PTK2B: variants seen among roughly 807,000 people sequenced by gnomAD.
PTK2B encodes protein tyrosine kinase 2 beta.
PTK2B carries 71 observed loss-of-function variants against 142.9 expected under a neutral mutation model. The observed-to-expected ratio is 0.50, with a 90% CI of 0.41 to 0.61. PTK2B has a LOEUF of 0.61. Ranked by LOEUF, PTK2B falls within the 20% of genes least tolerant of loss-of-function variation. The probability of loss-of-function intolerance (pLI) is 0.00; values close to 1 mark genes in which losing one functional copy is unlikely to be tolerated. For missense variants in PTK2B, 1,105 were observed against 1,320.4 expected (o/e 0.84, Z 2.53); for synonymous variants, 519 against 503.4 (o/e 1.03, Z -0.42).
intron 1 of PTK2B, among the ~76,000 whole-genome samples, chr8:27,312,024 A>G (rs1173986665): frequency 1.3e-5 from 2 of 152,162 alleles, no homozygotes; most frequent in African/African-American, 2.4e-5. Flanking sequence ...TTAATGGGCA[A>G]GTGCCCATTA....
At chr8:27,374,730 G>A (rs972027852) in intron 1 of PTK2B, among the ~76,000 whole-genome samples, 1 of 152,126 alleles carries the variant, frequency 6.6e-6, no homozygotes, top group African/African-American at 2.4e-5. Flanking sequence ...GTCAGAAACT[G>A]GCTGGCTCTG....
Position 27,437,811 on chromosome 8 carries a change from C to A in PTK2B, c.1574C>A (p.Thr525Asn). ...AACAAGAACTCCCTGAAGGTGCTCA[C>A]CCTCGTGCTGTACTCACTGCAGATA... ...ERNKNSLKVL[T>N]LVLYSLQICK... is the part of the protein sequence containing the mutation. Residue 525 changes from threonine (T) to asparagine (N), a missense_variant, in exon 18 of 31, where the codon ACC (threonine) becomes AAC (asparagine). Thr to Asn is a moderately conservative substitution (Grantham distance 65, BLOSUM62 0). Coordinates refer to ENST00000346049, the MANE Select transcript of PTK2B (RefSeq NM_173176.3). The A allele has an allele frequency of 1.2e-6, 2 of 1,613,594 alleles. No homozygotes were observed. Among genetic ancestry groups the A allele is most frequent in the Non-Finnish European group, 1.7e-6 (2 of 1,179,862 alleles).
intron 10 of PTK2B, 135 bp from the exon 11 acceptor site, chr8:27,433,300 C>G (rs1475119568): frequency 1.4e-6 from 1 of 734,828 alleles, no homozygotes; most frequent in African/African-American, 1.8e-5. Context: ...AGGGCAGGGC[C>G]CCAGGAGAGG....
At chr8:27,343,465 C>G (rs1314427121) in intron 1 of PTK2B, among the ~76,000 whole-genome samples, 1 of 152,174 alleles carries the variant, frequency 6.6e-6, no homozygotes, top group Non-Finnish European at 1.5e-5. Context: ...AACCTGGGGA[C>G]CCCATGTAGT....
intron 1 of PTK2B, among the ~76,000 whole-genome samples, chr8:27,365,552 G>A (rs1007557266): frequency 2.0e-5 from 3 of 152,172 alleles, no homozygotes; most frequent in Non-Finnish European, 2.9e-5. Context: ...ATAGGAAACA[G>A]ATCTGCCATT....
chr8:27,321,869 CAACTT>C (rs1233031791), upstream of PTK2B, among the ~76,000 whole-genome samples: 1 of 152,204 alleles, frequency 6.6e-6, no homozygotes, highest in Non-Finnish European at 1.5e-5. Context: ...AAGCCATACT[CAACTT>C]ATTTTGGCCT....
chr8:27,397,440 A>T, intron 1 of PTK2B, 108 bp from the exon 2 acceptor site: 1 of 822,074 alleles, frequency 1.2e-6, no homozygotes, highest in East Asian at 2.5e-5. Context: ...GGGAGAATAT[A>T]TAGCATTTGT....
intron 24 of PTK2B, among the ~76,000 whole-genome samples, chr8:27,449,992 A>G (rs1256280632): frequency 2.6e-5 from 4 of 152,204 alleles, no homozygotes; most frequent in African/African-American, 9.7e-5. Flanking sequence ...TAAATAACTC[A>G]AGCTATGATT....
chr8:27,374,894 A>G (rs1325719456), intron 1 of PTK2B, among the ~76,000 whole-genome samples: 3 of 152,218 alleles, frequency 2.0e-5, no homozygotes, highest in East Asian at 3.8e-4. Context: ...GCACTGCACT[A>G]TGTGATGTCT....
chr8:27,423,847 G>C (rs1242133196), intron 5 of PTK2B, among the ~76,000 whole-genome samples: 1 of 152,114 alleles, frequency 6.6e-6, no homozygotes, highest in Non-Finnish European at 1.5e-5. Context: ...GCAGCTTCGA[G>C]GGCTTCACAT....
intron 1 of PTK2B, among the ~76,000 whole-genome samples, chr8:27,338,690 A>C (rs1039319725): frequency 1.3e-5 from 2 of 152,234 alleles, no homozygotes; most frequent in Non-Finnish European, 2.9e-5. Flanking sequence ...TACTTTTCCC[A>C]AACAGTATAT....
chr8:27,399,487 G>A (rs114872714), intron 2 of PTK2B, among the ~76,000 whole-genome samples: 2,983 of 152,260 alleles, frequency 0.02, 101 homozygotes, highest in African/African-American at 0.068. Flanking sequence ...TAGAATATCA[G>A]GCAGAGAAAT....
intron 2 of PTK2B, among the ~76,000 whole-genome samples, chr8:27,408,625 T>C (rs2131610239): frequency 6.6e-6 from 1 of 152,346 alleles, no homozygotes; most frequent in South Asian, 2.1e-4. Flanking sequence ...CAGTGAACCT[T>C]TAGGAAGCCA....
intron 1 of PTK2B, among the ~76,000 whole-genome samples, chr8:27,374,174 A>G (rs1249077090): frequency 1.3e-5 from 2 of 152,326 alleles, no homozygotes; most frequent in Non-Finnish European, 2.9e-5. Context: ...AGTCTTTTTC[A>G]TGTGCAGTGC....
intron 1 of PTK2B, among the ~76,000 whole-genome samples, chr8:27,373,923 C>T (rs1480905357): frequency 6.6e-6 from 1 of 151,802 alleles, no homozygotes; most frequent in Admixed American, 6.6e-5. Flanking sequence ...CTCTAGGGAA[C>T]CCAGAGCTGC....
At chr8:27,399,716 A>G (rs982429827) in intron 2 of PTK2B, among the ~76,000 whole-genome samples, 4 of 152,242 alleles carry the variant, frequency 2.6e-5, no homozygotes, top group African/African-American at 7.2e-5. Context: ...ACTGACTTCC[A>G]GGAATATGTC....
At chr8:27,334,880 G>A (rs1048132463) in intron 1 of PTK2B, among the ~76,000 whole-genome samples, 2 of 152,180 alleles carry the variant, frequency 1.3e-5, no homozygotes, top group African/African-American at 4.8e-5. Flanking sequence ...GAGAGAGGGA[G>A]TCAGCAGTCT....
chr8:27,394,420 T>G (rs1807914281), intron 1 of PTK2B, among the ~76,000 whole-genome samples: 1 of 152,230 alleles, frequency 6.6e-6, no homozygotes, highest in Non-Finnish European at 1.5e-5. Flanking sequence ...TATTTGTGTA[T>G]CTAAACATAG....
chr8:27,315,400 G>A (rs557558505), intron 3 of PTK2B, among the ~76,000 whole-genome samples: 3 of 152,166 alleles, frequency 2.0e-5, no homozygotes, highest in East Asian at 3.9e-4. Context: ...GTTGGTTAGT[G>A]GTTCAAAAAT....
Sources: allele counts gnomAD v4.1 joint callset (sites outside exome capture counted in the v4.1 genomes callset), GRCh38; gene constraint gnomAD v4.1.1; transcripts MANE v1.5; gene names NCBI Gene and HGNC (gene_info 2026-07-23, HGNC 2026-07-21).